Variants in ZHX2 observed in about 807,000 individuals in gnomAD.
The protein encoded by ZHX2 is zinc fingers and homeoboxes 2.
In ZHX2, 6 loss-of-function variants were observed where a neutral mutation model predicts 21.9. The ratio of observed to expected loss-of-function variants is 0.27; its 90% CI spans 0.15 to 0.54. The LOEUF (loss-of-function observed/expected upper bound fraction) is 0.54, where lower values mean the gene tolerates loss of function less well. Ranked by LOEUF, ZHX2 falls within the 20% of genes least tolerant of loss-of-function variation. The pLI, the probability that ZHX2 is intolerant of heterozygous loss-of-function variation, is 0.95. For synonymous variants in ZHX2, 434 were observed against 437.1 expected (o/e 0.99, Z 0.09); for missense variants, 908 against 1,090.7 (o/e 0.83, Z 2.36).
chr8:122,785,657 GCAAATTGGGGTT>G (rs1249762646), intron 1 of ZHX2, among the ~76,000 whole-genome samples: 3 of 152,306 alleles, frequency 2.0e-5, no homozygotes, highest in African/African-American at 7.2e-5. Flanking sequence ...GCTGTCATGA[GCAAATTGGGGTT>G]CAACTTGTAA....
At chr8:122,846,763 A>G (rs952778873) in intron 1 of ZHX2, among the ~76,000 whole-genome samples, 2 of 152,044 alleles carry the variant, frequency 1.3e-5, no homozygotes, top group Non-Finnish European at 2.9e-5. Flanking sequence ...TTTTGCACCA[A>G]CCTATAGAAT....
chr8:122,898,583 C>T (rs756931934), intron 2 of ZHX2, among the ~76,000 whole-genome samples: 8 of 152,222 alleles, frequency 5.3e-5, no homozygotes, highest in Non-Finnish European at 1.2e-4. Flanking sequence ...ACAAGCTCCA[C>T]ATTTTAGGAT....
intron 2 of ZHX2, among the ~76,000 whole-genome samples, chr8:122,943,457 G>A (rs1490706711): frequency 6.6e-6 from 1 of 152,162 alleles, no homozygotes; most frequent in Admixed American, 6.5e-5. Context: ...TAGGGTTTCT[G>A]AGAAGTGAAA....
intron 2 of ZHX2, among the ~76,000 whole-genome samples, chr8:122,926,145 A>C (rs1006575834): frequency 2.0e-5 from 3 of 152,168 alleles, no homozygotes; most frequent in Admixed American, 2.0e-4. Flanking sequence ...TGCTCCCTGG[A>C]ACTGTCCAAT....
At chr8:122,941,070 A>G (rs1239253713) in intron 2 of ZHX2, among the ~76,000 whole-genome samples, 2 of 142,910 alleles carry the variant, frequency 1.4e-5, no homozygotes, top group Non-Finnish European at 3.1e-5. Flanking sequence ...ATCTCTATTA[A>G]AAAAAAAAAA....
At chr8:122,792,733 G>A (rs1817541075) in intron 1 of ZHX2, among the ~76,000 whole-genome samples, 1 of 152,154 alleles carries the variant, frequency 6.6e-6, no homozygotes, top group African/African-American at 2.4e-5. Flanking sequence ...ACACACACAT[G>A]CCTGGTCATT....
intron 2 of ZHX2, among the ~76,000 whole-genome samples, chr8:122,881,889 C>T (rs1287103423): frequency 6.6e-6 from 1 of 152,182 alleles, no homozygotes; most frequent in African/African-American, 2.4e-5. Flanking sequence ...TTGGAAACCC[C>T]CATTTCCTTA....
chr8:122,901,846 G>A (rs1820237624), intron 2 of ZHX2, among the ~76,000 whole-genome samples: 1 of 152,068 alleles, frequency 6.6e-6, no homozygotes, highest in African/African-American at 2.4e-5. Flanking sequence ...AATATCCCTT[G>A]TAAGGGGGAA....
intron 1 of ZHX2, among the ~76,000 whole-genome samples, chr8:122,784,321 C>T (rs934179742): frequency 1.3e-5 from 2 of 152,182 alleles, no homozygotes; most frequent in Non-Finnish European, 2.9e-5. Context: ...ATTTAATTCT[C>T]ACCACAATCC....
intron 2 of ZHX2, among the ~76,000 whole-genome samples, chr8:122,884,571 C>G (rs1358104133): frequency 1.3e-5 from 2 of 152,210 alleles, no homozygotes; most frequent in Admixed American, 1.3e-4. Context: ...GGAGCCAGAG[C>G]TCTTGGGTCA....
chr8:122,925,915 G>C (rs1019213847), intron 2 of ZHX2, among the ~76,000 whole-genome samples: 1 of 152,084 alleles, frequency 6.6e-6, no homozygotes, highest in Non-Finnish European at 1.5e-5. Context: ...TGCAAGTGGA[G>C]AAGAGGACAT....
At chr8:122,856,676 A>T (rs1183450791) in intron 1 of ZHX2, among the ~76,000 whole-genome samples, 1 of 152,144 alleles carries the variant, frequency 6.6e-6, no homozygotes, top group Non-Finnish European at 1.5e-5. Context: ...GGAGGAGCAC[A>T]GGCCAGGTAC....
intron 1 of ZHX2, among the ~76,000 whole-genome samples, chr8:122,850,009 G>A (rs941033586): frequency 1.1e-4 from 16 of 152,048 alleles, no homozygotes; most frequent in African/African-American, 2.9e-4. Context: ...AACTTAACAC[G>A]TCTAAAATTA....
At chr8:122,879,902 T>A (rs16897605) in intron 2 of ZHX2, among the ~76,000 whole-genome samples, 34,995 of 151,590 alleles carry the variant, frequency 0.23, 4,331 homozygotes, top group East Asian at 0.36. Flanking sequence ...TGCTGCCCTG[T>A]GGTTCAGAAT....
At chr8:122,866,209 T>C (rs1348459374) in intron 2 of ZHX2, among the ~76,000 whole-genome samples, 2 of 152,182 alleles carry the variant, frequency 1.3e-5, no homozygotes, top group Non-Finnish European at 2.9e-5. Context: ...TAGTGTGGTC[T>C]CAAGCCACAC....
intron 1 of ZHX2, among the ~76,000 whole-genome samples, chr8:122,791,338 G>A (rs1011706052): frequency 3.3e-5 from 5 of 152,190 alleles, no homozygotes; most frequent in African/African-American, 1.2e-4. Context: ...GACTTGAAGA[G>A]TTTCACCCAC....
chr8:122,844,621 A>C (rs1202762093), intron 1 of ZHX2, among the ~76,000 whole-genome samples: 1 of 152,306 alleles, frequency 6.6e-6, no homozygotes, highest in South Asian at 2.1e-4. Context: ...GGTCAGGGTG[A>C]GGGAAGACTT....
chr8:122,868,562 A>G (rs1310833894), intron 2 of ZHX2, among the ~76,000 whole-genome samples: 7 of 152,210 alleles, frequency 4.6e-5, no homozygotes, highest in African/African-American at 1.7e-4. Context: ...TTAGCCGGGC[A>G]TGGTGGCAGG....
intron 3 of ZHX2, among the ~76,000 whole-genome samples, chr8:122,967,992 T>C (rs1452649264): frequency 6.6e-6 from 1 of 152,022 alleles, no homozygotes; most frequent in Non-Finnish European, 1.5e-5. Context: ...GCTCAGACTC[T>C]CCTTGGGCAG....
Sources: gnomAD v4.1 joint callset for allele counts (sites outside exome capture counted in the v4.1 genomes callset) on GRCh38, gnomAD v4.1.1 for gene constraint, MANE v1.5 for transcripts, NCBI Gene and HGNC (gene_info 2026-07-23, HGNC 2026-07-21) for gene names.